The following POGK variants were observed in gnomAD, a reference collection of about 807,000 sequenced individuals.
The protein encoded by POGK is pogo transposable element derived with KRAB domain, also known as pogo transposable element with KRAB domain.
Under a neutral mutation model 54.4 loss-of-function variants are expected in POGK, and 16 were observed. The ratio of observed to expected loss-of-function variants is 0.29; its 90% CI spans 0.20 to 0.45. The LOEUF (loss-of-function observed/expected upper bound fraction) is 0.45. POGK is among the 20% of genes least tolerant of loss of function. The pLI, the probability that POGK is intolerant of heterozygous loss-of-function variation, is 1.00. For synonymous variants in POGK, 271 were observed against 302.2 expected (o/e 0.90, Z 1.07); for missense variants, 515 against 795.6 (o/e 0.65, Z 4.24).
chr1:166,847,555 T>G lies in POGK; in HGVS notation c.321T>G (p.Asn107Lys), dbSNP rs764600574. Residue 107 changes from asparagine to lysine, a missense_variant, in exon 4 of 6, where the codon AAT becomes AAG. Around this residue, in one of 2 missense-constraint regions of POGK, gnomAD observed 461 missense variants for 743.5 expected, o/e 0.62. Coordinates refer to ENST00000367876, the MANE Select transcript of POGK (RefSeq NM_017542.5). Reference protein sequence around the residue: ...TRLEGEEESQNSDEWQLQGGT... With the variant: ...TRLEGEEESQKSDEWQLQGGT... ...TGGAAGGGGAGGAGGAGTCTCAGAA[T>G]TCTGACGAGTGGCAGCTCCAAGGAG... 5.0e-6 allele frequency: 8 copies of G among 1,613,842 alleles called. No homozygotes were observed. Among genetic ancestry groups the G allele is most frequent in the Non-Finnish European group, 6.8e-6 (8 of 1,179,896 alleles).
chr1:166,848,960 G>T lies in POGK; in HGVS notation c.381G>T (p.Lys127Asn). 1.9e-6 allele frequency: 3 copies of T among 1,602,180 alleles called. No individual in the cohort carries two copies. The highest frequency in any genetic ancestry group is 1.7e-6 in the Non-Finnish European group (2 of 1,175,662). The change falls in exon 5 of 6, where the codon AAG becomes AAT. Residue 127 changes from lysine to asparagine, a missense_variant. Transcript: ENST00000367876. ...TSAENEESDV[K>N]PPDWPNPMNA... ...CAGAAAATGAAGAATCTGACGTAAA[G>T]CCTCCAGACTGGCCAAACCCAATGA...
chr1:166,843,540 TC>T, intron 2 of POGK, among the ~76,000 whole-genome samples: 1 of 152,186 alleles, frequency 6.6e-6, no homozygotes, highest in Non-Finnish European at 1.5e-5. Flanking sequence ...GAGGTAGTGA[TC>T]CCCATGTCCC....
chr1:166,842,684 C>G (rs1308957041), intron 2 of POGK, among the ~76,000 whole-genome samples: 2 of 152,138 alleles, frequency 1.3e-5, no homozygotes, highest in Admixed American at 6.5e-5. Context: ...AACACTACCC[C>G]CTTTCCCCAC....
chr1:166,848,017 C>T (rs1468441537), intron 4 of POGK, among the ~76,000 whole-genome samples: 1 of 152,182 alleles, frequency 6.6e-6, no homozygotes, highest in Non-Finnish European at 1.5e-5. Flanking sequence ...GCAATCATAG[C>T]ATACATTTGA....
chr1:166,848,942 T>C lies in POGK; in HGVS notation c.363T>C (p.Asn121=), dbSNP rs1451289595. Reference sequence around the variant, plus strand: ...CCCTCACTATTTGTCTCCCAGAAAATGAAGAATCTGACGTAAAGCCTCCAG... The same window carrying C: ...CCCTCACTATTTGTCTCCCAGAAAACGAAGAATCTGACGTAAAGCCTCCAG... ...WQLQGGTSAE[N]EESDVKPPDW... Residue 121 remains asparagine (N), a synonymous_variant, in exon 5 of 6, where the codon AAT becomes AAC. Transcript: ENST00000367876. 1 of 1,584,122 alleles carries C rather than the reference T, an allele frequency of 6.3e-7. No homozygotes were observed. The highest frequency in any genetic ancestry group is 1.2e-5 in the South Asian group (1 of 86,480).
intron 2 of POGK, among the ~76,000 whole-genome samples, chr1:166,841,842 C>T (rs1221048296): frequency 6.6e-6 from 1 of 152,126 alleles, no homozygotes; most frequent in African/African-American, 2.4e-5. Context: ...CATGGTACTT[C>T]TAAATTGTTC....
In POGK at chr1:166,854,565, C is replaced by A. The variant is rs1571233536; in HGVS notation, c.*1995C>A. ...ACCTTATTCTCCATCCGGTTTGGTA[C>A]CAATATATTACATCTTTCAGTCAAA... is the stretch of plus-strand genomic sequence containing the variant. On this transcript the variant is annotated 3_prime_UTR_variant, in exon 6 of 6. Transcript: ENST00000367876. The A allele has an allele frequency of 6.6e-6, 1 of 152,150 alleles. No homozygotes were observed. Among genetic ancestry groups the A allele is most frequent in the Non-Finnish European group, 1.5e-5 (1 of 68,030 alleles). 9.4% of individuals were successfully genotyped at this position (152,150 alleles called of 1,614,324 possible).
intron 4 of POGK, 77 bp downstream of exon 4, chr1:166,847,669 G>A: frequency 2.7e-6 from 3 of 1,113,720 alleles, no homozygotes; most frequent in African/African-American, 1.5e-5. Context: ...ACATTCCACG[G>A]GGTATTTAAG....
chr1:166,850,020 G>T lies in POGK; in HGVS notation c.1441G>T (p.Val481Leu). 2 of 1,614,202 alleles carry T rather than the reference G, an allele frequency of 1.2e-6. No individual in the cohort carries two copies. The highest frequency in any genetic ancestry group is 1.7e-6 in the Non-Finnish European group (2 of 1,180,018). ...CTTCCGGGGCCATGCCACAGATTCCGTGAAGAACTCCATGGAAAGCATGAA... is the reference window on the plus strand; with the variant it reads ...CTTCCGGGGCCATGCCACAGATTCCTTGAAGAACTCCATGGAAAGCATGAA... ...NGFRGHATDSVKNSMESMNTD... is the reference protein window; with the variant it reads ...NGFRGHATDSLKNSMESMNTD... The change falls in exon 5 of 6, where the codon GTG (valine) becomes TTG (leucine). Residue 481 changes from valine (V) to leucine (L), a missense_variant. Coordinates refer to ENST00000367876, the MANE Select transcript of POGK (RefSeq NM_017542.5).
chr1:166,840,210 A>T (rs1341023976), intron 1 of POGK: 1 of 152,284 alleles, frequency 6.6e-6, no homozygotes, highest in Non-Finnish European at 1.5e-5. Flanking sequence ...CATAGAGGGC[A>T]GGAGTGCGGC....
rs1305495918 is a variant in POGK, at chr1:166,847,737, G to A, written c.358+145G>A. The A allele has an allele frequency of 1.1e-4, 65 of 580,842 alleles. No individual in the cohort carries two copies. In the East Asian group the frequency reaches 1.4e-3, roughly 13 times the overall value. The allele number at this position is 580,842 out of a possible 1,614,324, so 36.0% of individuals were successfully genotyped here. ...AATCTCCCTCTTTGCAGTGCTAAAT[G>A]TGTGACAGTGTGTGACAGGCAACTG... On this transcript the variant is annotated intron_variant, in intron 4 of 5. Coordinates refer to ENST00000367876, the MANE Select transcript of POGK (RefSeq NM_017542.5).
chr1:166,852,124 C>T (rs1658093754), intron 5 of POGK: 1 of 152,200 alleles, frequency 6.6e-6, no homozygotes, highest in African/African-American at 2.4e-5. Flanking sequence ...ATCCAGCCTC[C>T]CTTTTCTGCT....
In POGK at chr1:166,849,705, G is replaced by A; in HGVS notation, c.1126G>A (p.Val376Ile). The A allele has an allele frequency of 2.4e-5, 39 of 1,614,286 alleles. No individual in the cohort carries two copies. The highest frequency in any genetic ancestry group is 3.2e-5 in the Non-Finnish European group (38 of 1,180,056). The change falls in exon 5 of 6, where the codon GTA becomes ATA. Residue 376 changes from valine (V) to isoleucine (I), a missense_variant. Val to Ile is a conservative substitution (Grantham distance 29, BLOSUM62 3). Transcript: ENST00000367876. ...TPICLEVPSRVTVDNQGEKPV... is the reference protein window; with the variant it reads ...TPICLEVPSRITVDNQGEKPV... ...CATTTGTTTAGAGGTGCCATCACGG[G>A]TAACTGTTGATAACCAGGGCGAAAA...
At chr1:166,840,064 C>T (rs1215065259) in intron 1 of POGK, 2 of 152,298 alleles carry the variant, frequency 1.3e-5, no homozygotes, top group Admixed American at 1.3e-4. Context: ...TAGACCCATC[C>T]ATGCCGCGTT....
intron 1 of POGK, 59 bp from the exon 2 acceptor site, chr1:166,840,896 T>C: frequency 1.3e-6 from 2 of 1,598,078 alleles, no homozygotes; most frequent in South Asian, 2.3e-5. Flanking sequence ...TCCCCCATCA[T>C]AGGCTTTGGG....
At chr1:166,842,609 A>G (rs1464290006) in intron 2 of POGK, among the ~76,000 whole-genome samples, 1 of 152,226 alleles carries the variant, frequency 6.6e-6, no homozygotes, top group African/African-American at 2.4e-5. Context: ...GGCTTCCTGG[A>G]CAAGGCCTAA....
intron 2 of POGK, among the ~76,000 whole-genome samples, chr1:166,843,489 G>T (rs2101749996): frequency 6.6e-6 from 1 of 152,328 alleles, no homozygotes; most frequent in Middle Eastern, 3.4e-3. Flanking sequence ...TGTGACCTTG[G>T]ACAAGTTACT....
At chr1:166,847,683 T>A in intron 4 of POGK, 91 bp downstream of exon 4, 1 of 983,970 alleles carries the variant, frequency 1.0e-6, no homozygotes, top group Non-Finnish European at 1.5e-6. Context: ...ATTTAAGAGG[T>A]AGAAGGATTA....
intron 5 of POGK, chr1:166,851,374 A>G (rs180997896): frequency 4.1e-4 from 63 of 152,342 alleles, no homozygotes; most frequent in African/African-American, 1.3e-3. Context: ...TCTCATTATG[A>G]CCTTCACATG....
Sources: allele counts gnomAD v4.1 joint callset (sites outside exome capture counted in the v4.1 genomes callset), GRCh38; gene constraint gnomAD v4.1.1; regional missense constraint gnomAD v4.1.1; transcripts MANE v1.5; gene names NCBI Gene and HGNC (gene_info 2026-07-23, HGNC 2026-07-21).